The following CFDP1 variants were observed in gnomAD, a reference collection of about 807,000 sequenced individuals.
CFDP1 encodes the protein chromatin remodeling protein CFDP1.
Under a neutral mutation model 40.1 loss-of-function variants are expected in CFDP1, and 31 were observed. The ratio of observed to expected loss-of-function variants is 0.77; its 90% CI spans 0.58 to 1.04. The LOEUF (loss-of-function observed/expected upper bound fraction) is 1.04, where lower values mean the gene tolerates loss of function less well. Ranked by LOEUF, CFDP1 falls within the 50% of genes least tolerant of loss-of-function variation. The pLI is 0.00. For synonymous variants in CFDP1, 167 were observed against 120.0 expected (o/e 1.39, Z -2.56); for missense variants, 423 against 343.4 (o/e 1.23, Z -1.83).
chr16:75,315,139 G>A (rs1483691502), intron 5 of CFDP1, among the ~76,000 whole-genome samples: 3 of 151,938 alleles, frequency 2.0e-5, no homozygotes, highest in Non-Finnish European at 4.4e-5. Context: ...CCTAAAGAAA[G>A]GCTTCAGCCT....
At chr16:75,373,107 A>T (rs570377084) in intron 5 of CFDP1, among the ~76,000 whole-genome samples, 4 of 152,196 alleles carry the variant, frequency 2.6e-5, no homozygotes, top group African/African-American at 9.6e-5. Context: ...TGGAGCAGCT[A>T]CTCCCATCTG....
intron 1 of CFDP1, chr16:75,419,171 C>T (rs2550917): frequency 3.9e-6 from 1 of 259,520 alleles, no homozygotes; most frequent in Non-Finnish European, 8.3e-6. Flanking sequence ...GAAAGAGCTC[C>T]TACTGGCCAA....
At chr16:75,423,280 C>CAAAA (rs34137868) in intron 1 of CFDP1, among the ~76,000 whole-genome samples, 1 of 109,304 alleles carries the variant, frequency 9.1e-6, no homozygotes, top group Non-Finnish European at 1.8e-5. Context: ...GACTCCGTCT[C>CAAAA]AAAAAAAAAA....
intron 4 of CFDP1, among the ~76,000 whole-genome samples, chr16:75,403,993 G>A (rs2079077601): frequency 6.6e-6 from 1 of 151,644 alleles, no homozygotes; most frequent in African/African-American, 2.4e-5. Flanking sequence ...TTGGCCGGGT[G>A]CAGTGGCAGG....
chr16:75,311,082 G>C (rs2078290348), intron 5 of CFDP1, among the ~76,000 whole-genome samples: 1 of 152,144 alleles, frequency 6.6e-6, no homozygotes, highest in Admixed American at 6.6e-5. Context: ...TATTATGAGG[G>C]CACAAAAGAA....
intron 4 of CFDP1, among the ~76,000 whole-genome samples, chr16:75,408,478 A>T (rs949270838): frequency 3.9e-5 from 6 of 152,142 alleles, no homozygotes; most frequent in African/African-American, 1.4e-4. Flanking sequence ...TAAAAACTTC[A>T]AATATTAATA....
chr16:75,297,071 A>C (rs138076076), intron 6 of CFDP1, among the ~76,000 whole-genome samples: 273 of 152,134 alleles, frequency 1.8e-3, no homozygotes, highest in African/African-American at 6.3e-3. Flanking sequence ...AAACTGTGAG[A>C]AGTGCTTTGT....
intron 5 of CFDP1, among the ~76,000 whole-genome samples, chr16:75,377,767 G>C (rs1459690398): frequency 6.6e-6 from 1 of 152,186 alleles, no homozygotes; most frequent in Non-Finnish European, 1.5e-5. Flanking sequence ...TGTTCTCATA[G>C]GCAGTAAAAA....
At chr16:75,356,911 CTTTTTTTTT>C (rs576406459) in intron 5 of CFDP1, among the ~76,000 whole-genome samples, 1 of 80,662 alleles carries the variant, frequency 1.2e-5, no homozygotes, top group South Asian at 3.9e-4. Context: ...TGCTTTCTTT[CTTTTTTTTT>C]TTTTTTTTTT....
intron 5 of CFDP1, among the ~76,000 whole-genome samples, chr16:75,321,674 A>C (rs2078364549): frequency 6.6e-6 from 1 of 152,218 alleles, no homozygotes; most frequent in Non-Finnish European, 1.5e-5. Context: ...ACAGAAACTA[A>C]GAACTCATGA....
At chr16:75,350,780 G>GA (rs59427600) in intron 5 of CFDP1, among the ~76,000 whole-genome samples, 2 of 151,836 alleles carry the variant, frequency 1.3e-5, no homozygotes, top group African/African-American at 2.4e-5. Context: ...ACTCTCAAAT[G>GA]AAAAAAAGTA....
intron 5 of CFDP1, 190 bp from the exon 6 acceptor site, chr16:75,305,372 C>G: frequency 1.7e-6 from 1 of 590,036 alleles, no homozygotes; most frequent in Non-Finnish European, 3.0e-6. Context: ...ATGTGCTTTT[C>G]CTGCTTAACA....
At chr16:75,433,219 G>A (rs1428642829) in intron 1 of CFDP1, 70 bp downstream of exon 1, 91 of 1,450,328 alleles carry the variant, frequency 6.3e-5, no homozygotes, top group Admixed American at 7.7e-5. Flanking sequence ...ACGCCCGCGG[G>A]GGCAGAGCGC....
At chr16:75,349,407 G>A (rs1461560689) in intron 5 of CFDP1, among the ~76,000 whole-genome samples, 1 of 151,266 alleles carries the variant, frequency 6.6e-6, no homozygotes, top group East Asian at 2.0e-4. Flanking sequence ...TTACTCAGGA[G>A]GCTGAGGCAG....
chr16:75,410,247 T>A (rs949183800), intron 4 of CFDP1, among the ~76,000 whole-genome samples: 2 of 152,102 alleles, frequency 1.3e-5, no homozygotes, highest in East Asian at 3.8e-4. Context: ...TGAAAATCAA[T>A]GTAACTGCCT....
At chr16:75,353,264 G>A (rs763787902) in intron 5 of CFDP1, among the ~76,000 whole-genome samples, 9 of 152,132 alleles carry the variant, frequency 5.9e-5, no homozygotes, top group Non-Finnish European at 1.2e-4. Context: ...TGGGTATTTG[G>A]TAATATCATG....
chr16:75,404,569 T>C lies in CFDP1; in HGVS notation c.530+7256A>G, dbSNP rs943664142. ...TGGTGGCCTAACTTATCCCCATCAA[T>C]GCTGAGTCTCTTGATGGATGAGAAG... On this transcript the variant is annotated intron_variant, in intron 4 of 6. Transcript: ENST00000283882. Among the ~76,000 whole-genome samples the C allele has an allele frequency of 5.3e-5, 8 of 152,212 alleles. No homozygotes were observed. The East Asian group carries it at 1.4e-3, about 26-fold the overall frequency.
At chr16:75,428,160 G>A (rs1438899001) in intron 1 of CFDP1, among the ~76,000 whole-genome samples, 1 of 151,230 alleles carries the variant, frequency 6.6e-6, no homozygotes, top group African/African-American at 2.4e-5. Context: ...AGGGTTGACG[G>A]CTTGAAACTG....
intron 5 of CFDP1, among the ~76,000 whole-genome samples, chr16:75,352,322 C>T (rs150656054): frequency 4.2e-4 from 64 of 151,836 alleles, no homozygotes; most frequent in African/African-American, 1.5e-3. Flanking sequence ...TCCTGGGCAA[C>T]AGAGTAAGAC....
Sources: allele counts gnomAD v4.1 joint callset (sites outside exome capture counted in the v4.1 genomes callset), GRCh38; gene constraint gnomAD v4.1.1; transcripts MANE v1.5; gene names NCBI Gene and HGNC (gene_info 2026-07-23, HGNC 2026-07-21).